ARHGAP26: variants seen among roughly 807,000 people sequenced by gnomAD.
ARHGAP26 encodes rho GTPase-activating protein 26.
A neutral mutation model predicts 104.8 loss-of-function variants in ARHGAP26; 38 were observed. That is an observed-to-expected ratio of 0.36 (90% CI 0.28 to 0.48). ARHGAP26 has a LOEUF of 0.48. Among genes scored for constraint, ARHGAP26 ranks in the 20% least tolerant of loss-of-function variants. The probability of loss-of-function intolerance (pLI) is 0.99; values close to 1 mark genes in which losing one functional copy is unlikely to be tolerated. For synonymous variants in ARHGAP26, 341 were observed against 340.0 expected (o/e 1.00, Z -0.03); for missense variants, 704 against 947.9 (o/e 0.74, Z 3.38).
At chr5:143,022,274 T>C (rs551080360) in intron 12 of ARHGAP26, among the ~76,000 whole-genome samples, 1 of 152,218 alleles carries the variant, frequency 6.6e-6, no homozygotes, top group South Asian at 2.1e-4. Flanking sequence ...GGTTTCACCA[T>C]GTTGGCCAGG....
intron 6 of ARHGAP26, among the ~76,000 whole-genome samples, chr5:142,900,107 A>G (rs1212193274): frequency 6.6e-6 from 1 of 152,202 alleles, no homozygotes; most frequent in East Asian, 1.9e-4. Context: ...GGGAGAGCAG[A>G]GTTAAGAAGA....
chr5:143,107,566 C>A (rs538972665), intron 17 of ARHGAP26, among the ~76,000 whole-genome samples: 2 of 152,252 alleles, frequency 1.3e-5, no homozygotes, highest in African/African-American at 4.8e-5. Flanking sequence ...GGCTGTGATG[C>A]CTGCACAATA....
chr5:143,084,217 C>T (rs192772210), intron 17 of ARHGAP26, among the ~76,000 whole-genome samples: 1 of 152,310 alleles, frequency 6.6e-6, no homozygotes, highest in African/African-American at 2.4e-5. Context: ...TATTCCCTGC[C>T]ATTAAAACTT....
intron 22 of ARHGAP26, 67 bp from the exon 23 acceptor site, chr5:143,222,291 C>T: frequency 8.7e-7 from 1 of 1,150,402 alleles, no homozygotes; most frequent in Non-Finnish European, 1.2e-6. Context: ...ACACCCCACA[C>T]ACACATCTGC....
At position 143,223,177 on chromosome 5, in the gene ARHGAP26, A is replaced by C. The variant is rs1811406271; in HGVS notation, c.*731A>C. 4.3e-6 allele frequency: 1 copy of C among 233,350 alleles called. No homozygotes were observed. The highest frequency in any genetic ancestry group is 8.5e-6 in the Non-Finnish European group (1 of 117,842). The allele number at this position is 233,350 out of a possible 1,614,324, so 14.5% of individuals were successfully genotyped here. ...TAACCACGGCAACCCAACCTACTCT[A>C]AAACCAAACCAAAAAAATAAAATAA... On this transcript the variant is annotated 3_prime_UTR_variant, in exon 23 of 23. Transcript: ENST00000645722.
chr5:142,899,583 T>C (rs1219627864), intron 6 of ARHGAP26, among the ~76,000 whole-genome samples: 1 of 152,238 alleles, frequency 6.6e-6, no homozygotes, highest in Non-Finnish European at 1.5e-5. Context: ...TTCCTCCTAG[T>C]GTTTGGGTAG....
At chr5:143,187,691 T>C (rs1199557408) in intron 20 of ARHGAP26, among the ~76,000 whole-genome samples, 1 of 152,218 alleles carries the variant, frequency 6.6e-6, no homozygotes, top group African/African-American at 2.4e-5. Flanking sequence ...TCTTAGAAAA[T>C]GACTCAACCC....
chr5:143,139,935 G>C (rs1300860551), intron 19 of ARHGAP26, among the ~76,000 whole-genome samples: 2 of 152,218 alleles, frequency 1.3e-5, no homozygotes, highest in Non-Finnish European at 2.9e-5. Flanking sequence ...GTACCTTATA[G>C]ATTTCTTCCA....
At chr5:142,816,880 G>A (rs1407243834) in intron 1 of ARHGAP26, among the ~76,000 whole-genome samples, 1 of 152,166 alleles carries the variant, frequency 6.6e-6, no homozygotes, top group Non-Finnish European at 1.5e-5. Flanking sequence ...TTTGCATGGA[G>A]TGTGGAGGCA....
intron 20 of ARHGAP26, among the ~76,000 whole-genome samples, chr5:143,156,837 C>T (rs1800520998): frequency 1.3e-5 from 2 of 152,224 alleles, no homozygotes; most frequent in Non-Finnish European, 2.9e-5. Context: ...TCACAGGAAC[C>T]TATTAGCTCA....
intron 9 of ARHGAP26, among the ~76,000 whole-genome samples, chr5:142,912,728 T>C (rs751675992): frequency 6.6e-5 from 10 of 152,156 alleles, no homozygotes; most frequent in Admixed American, 6.5e-5. Flanking sequence ...CCTATATCAA[T>C]GCGCAGTTTC....
chr5:142,957,334 A>G (rs1399593071), intron 11 of ARHGAP26, among the ~76,000 whole-genome samples: 1 of 152,224 alleles, frequency 6.6e-6, no homozygotes, highest in African/African-American at 2.4e-5. Flanking sequence ...GTGATTTCGT[A>G]CACAGTTGAA....
At chr5:142,897,708 C>T (rs763707538) in intron 6 of ARHGAP26, among the ~76,000 whole-genome samples, 22 of 152,218 alleles carry the variant, frequency 1.4e-4, no homozygotes, top group Non-Finnish European at 2.5e-4. Context: ...AAGCGCTTTA[C>T]CTACAGTATG....
intron 20 of ARHGAP26, among the ~76,000 whole-genome samples, chr5:143,148,952 G>A (rs975488711): frequency 1.3e-5 from 2 of 152,162 alleles, no homozygotes; most frequent in African/African-American, 4.8e-5. Flanking sequence ...TCTTTTCAGT[G>A]GCTGGTAACT....
chr5:142,771,531 T>C (rs1755202750), intron 1 of ARHGAP26, among the ~76,000 whole-genome samples: 1 of 152,134 alleles, frequency 6.6e-6, no homozygotes, highest in Non-Finnish European at 1.5e-5. Context: ...GTTCTGATTC[T>C]TGTGTTTAGC....
intron 11 of ARHGAP26, among the ~76,000 whole-genome samples, chr5:142,945,120 C>G (rs1055147225): frequency 6.6e-6 from 1 of 152,188 alleles, no homozygotes. Context: ...CCAGTGCTAC[C>G]AAGTCCTTTC....
chr5:142,984,983 C>A (rs1598485410), intron 11 of ARHGAP26, among the ~76,000 whole-genome samples: 1 of 151,602 alleles, frequency 6.6e-6, no homozygotes, highest in East Asian at 1.9e-4. Flanking sequence ...CAGAAGAATG[C>A]ATTGTTATCA....
At chr5:143,050,528 T>A (rs909913584) in intron 14 of ARHGAP26, among the ~76,000 whole-genome samples, 15 of 152,252 alleles carry the variant, frequency 9.9e-5, no homozygotes, top group Non-Finnish European at 7.3e-5. Context: ...CATTTCTTTT[T>A]TTATGCCCCT....
intron 12 of ARHGAP26, among the ~76,000 whole-genome samples, chr5:143,035,337 T>C (rs1316290972): frequency 6.6e-6 from 1 of 152,172 alleles, no homozygotes; most frequent in Non-Finnish European, 1.5e-5. Context: ...GGTGTATATA[T>C]ATGATGGATT....
Sources: allele counts gnomAD v4.1 joint callset (sites outside exome capture counted in the v4.1 genomes callset), GRCh38; gene constraint gnomAD v4.1.1; transcripts MANE v1.5; gene names NCBI Gene and HGNC (gene_info 2026-07-23, HGNC 2026-07-21).